PHC3: variants seen among roughly 807,000 people sequenced by gnomAD.
The protein encoded by PHC3 is polyhomeotic homolog 3.
PHC3 carries 13 observed loss-of-function variants against 107.4 expected under a neutral mutation model. The observed-to-expected ratio is 0.12, with a 90% CI of 0.08 to 0.19. The LOEUF (loss-of-function observed/expected upper bound fraction) is 0.19, where lower values mean the gene tolerates loss of function less well. Among genes scored for constraint, PHC3 ranks in the 10% least tolerant of loss-of-function variants. The probability of loss-of-function intolerance (pLI) is 1.00; values close to 1 mark genes in which losing one functional copy is unlikely to be tolerated. For missense variants in PHC3, 992 were observed against 1,210.9 expected (o/e 0.82, Z 2.68); for synonymous variants, 456 against 427.4 (o/e 1.07, Z -0.83).
At chr3:170,123,540 G>C (rs1421205550) in intron 8 of PHC3, among the ~76,000 whole-genome samples, 1 of 152,096 alleles carries the variant, frequency 6.6e-6, no homozygotes, top group Non-Finnish European at 1.5e-5. Context: ...CTGCAATCCA[G>C]CACTCTGGGA....
intron 6 of PHC3, among the ~76,000 whole-genome samples, chr3:170,140,701 C>A (rs924242972): frequency 1.4e-5 from 2 of 140,034 alleles, no homozygotes; most frequent in African/African-American, 5.3e-5. Context: ...GCAAGCGATT[C>A]TCCTGCCTCA....
chr3:170,174,524 G>A (rs997955754), intron 2 of PHC3, among the ~76,000 whole-genome samples: 49 of 152,142 alleles, frequency 3.2e-4, no homozygotes, highest in Admixed American at 1.3e-3. Flanking sequence ...GTCACATTGT[G>A]CTCACTGTGA....
At chr3:170,110,714 T>C (rs865814954) in intron 11 of PHC3, among the ~76,000 whole-genome samples, 2 of 152,192 alleles carry the variant, frequency 1.3e-5, no homozygotes, top group African/African-American at 4.8e-5. Context: ...AAATAATATA[T>C]ACATACATAA....
intron 8 of PHC3, among the ~76,000 whole-genome samples, chr3:170,123,792 C>CA (rs543453700): frequency 3.3e-5 from 5 of 149,714 alleles, no homozygotes; most frequent in East Asian, 2.0e-4. Flanking sequence ...GACTCCATCT[C>CA]AAAAAAAAGA....
Position 170,102,667 on chromosome 3 carries a change from T to G in PHC3, c.2645A>C (p.His882Pro), listed in dbSNP as rs765221373. 2.5e-6 allele frequency: 4 copies of G among 1,613,958 alleles called. No individual in the cohort carries two copies. Among genetic ancestry groups the G allele is most frequent in the Non-Finnish European group, 3.4e-6 (4 of 1,179,856 alleles). Residue 882 changes from histidine (H) to proline (P), a missense_variant, in exon 14 of 15, where the codon CAT (histidine) becomes CCT (proline). Physicochemically the swap from His to Pro is moderately conservative, Grantham distance 77. Coordinates refer to ENST00000495893, the MANE Select transcript of PHC3 (RefSeq NM_024947.4). Reference sequence around the variant, plus strand: ...CATAGCAGATGGCACAGAATCTTCATGAGAAGCCAAGTCTTCTTCTGCAGA... The same window carrying G: ...CATAGCAGATGGCACAGAATCTTCAGGAGAAGCCAAGTCTTCTTCTGCAGA... The part of the protein sequence containing the change: ...YPSAEEDLAS[H>P]EDSVPSAMTT...
At chr3:170,134,675 G>C (rs916841517) in intron 7 of PHC3, among the ~76,000 whole-genome samples, 4 of 152,056 alleles carry the variant, frequency 2.6e-5, no homozygotes, top group Admixed American at 2.0e-4. Flanking sequence ...CCTAACATAC[G>C]TAAGTACGTA....
At position 170,117,462 on chromosome 3, in the gene PHC3, G is replaced by A. The variant is rs1293554795; in HGVS notation, c.1957C>T (p.Pro653Ser). Residue 653 changes from proline (P) to serine (S), a missense_variant, in exon 10 of 15, where the codon CCT becomes TCT. Physicochemically the swap from Pro to Ser is moderately conservative, Grantham distance 74. Coordinates refer to ENST00000495893, the MANE Select transcript of PHC3 (RefSeq NM_024947.4). ...EHPLLEQVELPAVASVSASVI... is the reference protein window; with the variant it reads ...EHPLLEQVELSAVASVSASVI... ...GAAGCACTGACTGATGCCACAGCAG[G>A]TAATTCCACTTGCTCTGAAAAAAAA... The A allele has an allele frequency of 4.4e-6, 7 of 1,606,548 alleles. No individual in the cohort carries two copies. The highest frequency in any genetic ancestry group is 6.0e-6 in the Non-Finnish European group (7 of 1,176,436).
At chr3:170,118,846 T>C (rs1037211019) in intron 9 of PHC3, among the ~76,000 whole-genome samples, 2 of 151,744 alleles carry the variant, frequency 1.3e-5, no homozygotes, top group African/African-American at 4.8e-5. Flanking sequence ...GCCACCCAGC[T>C]GGTCTGGAAT....
rs754513558 is a variant in PHC3 at position 170,090,114 on chromosome 3, G to A, written c.*7116C>T. 3 of 151,860 alleles carry A rather than the reference G, an allele frequency of 2.0e-5. No individual in the cohort carries two copies. The highest frequency in any genetic ancestry group is 6.6e-5 in the Admixed American group (1 of 15,242). 9.4% of individuals were successfully genotyped at this position (151,860 alleles called of 1,614,324 possible). A position where few individuals can be genotyped will look rare whatever the true frequency, so the allele number is the denominator to read the frequency against. On this transcript the variant is annotated 3_prime_UTR_variant, in exon 15 of 15. Transcript: ENST00000495893. ...TCAACCTGTAAGTCCTTAATGTTAAGTCTCCTAAATTTTGTAACTTAATCA... is the reference window on the plus strand; with the variant it reads ...TCAACCTGTAAGTCCTTAATGTTAAATCTCCTAAATTTTGTAACTTAATCA...
At chr3:170,134,141 G>C (rs959001831) in intron 7 of PHC3, among the ~76,000 whole-genome samples, 1 of 150,968 alleles carries the variant, frequency 6.6e-6, no homozygotes, top group Non-Finnish European at 1.5e-5. Context: ...CTAGCACACA[G>C]AGGTTTAAAA....
chr3:170,120,403 T>C (rs959563755), intron 9 of PHC3, among the ~76,000 whole-genome samples: 6 of 151,968 alleles, frequency 3.9e-5, no homozygotes, highest in East Asian at 1.9e-4. Context: ...CTAGCCAACA[T>C]AGTGAAACCC....
At chr3:170,102,410 G>A in intron 14 of PHC3, 69 bp downstream of exon 14, 1 of 1,552,462 alleles carries the variant, frequency 6.4e-7, no homozygotes, top group Non-Finnish European at 8.7e-7. Flanking sequence ...AAAAGGTGTG[G>A]ATGTATCTAA....
chr3:170,122,084 C>G (rs1413106110), intron 9 of PHC3, among the ~76,000 whole-genome samples: 1 of 152,082 alleles, frequency 6.6e-6, no homozygotes, highest in East Asian at 1.9e-4. Flanking sequence ...GAGACCCTAT[C>G]TCTAAAAAAT....
intron 6 of PHC3, among the ~76,000 whole-genome samples, chr3:170,138,737 A>T (rs1431220907): frequency 6.6e-6 from 1 of 151,778 alleles, no homozygotes; most frequent in Non-Finnish European, 1.5e-5. Flanking sequence ...ATTAGAATCT[A>T]GATTTCTCAG....
rs758440000 is a variant in PHC3 at position 170,181,684 on chromosome 3, C to T, written c.14+18G>A. ...CGCCCCCCCTAGTTACGACATCAGTCACCATCTAGTCACTCACTCCGCTTC... is the reference window on the plus strand; with the variant it reads ...CGCCCCCCCTAGTTACGACATCAGTTACCATCTAGTCACTCACTCCGCTTC... On this transcript the variant is annotated intron_variant, in intron 1 of 14. Transcript: ENST00000495893. 5.3e-5 allele frequency: 86 copies of T among 1,613,320 alleles called. No individual in the cohort carries two copies. Among genetic ancestry groups the T allele is most frequent in the Non-Finnish European group, 7.1e-5 (84 of 1,179,816 alleles).
intron 4 of PHC3, among the ~76,000 whole-genome samples, chr3:170,156,684 G>A (rs1273193465): frequency 3.3e-5 from 5 of 151,740 alleles, no homozygotes; most frequent in Admixed American, 2.0e-4. Flanking sequence ...TGCAAACTCC[G>A]CCTCCTGGGT....
chr3:170,173,167 T>A (rs1157799899), intron 2 of PHC3, among the ~76,000 whole-genome samples: 1 of 148,680 alleles, frequency 6.7e-6, no homozygotes, highest in Non-Finnish European at 1.5e-5. Context: ...CACTCCAGCC[T>A]GGGCGACACA....
chr3:170,146,383 A>G (rs1374329382), intron 5 of PHC3, among the ~76,000 whole-genome samples: 1 of 151,686 alleles, frequency 6.6e-6, no homozygotes, highest in Non-Finnish European at 1.5e-5. Context: ...TCAAAAAAAA[A>G]AAAAGAAAAG....
chr3:170,173,764 G>T (rs572594945), intron 2 of PHC3, among the ~76,000 whole-genome samples: 1 of 152,246 alleles, frequency 6.6e-6, no homozygotes, highest in African/African-American at 2.4e-5. Flanking sequence ...TAAAATATTT[G>T]AAAGAATCCA....
Sources: allele counts gnomAD v4.1 joint callset (sites outside exome capture counted in the v4.1 genomes callset), GRCh38; gene constraint gnomAD v4.1.1; transcripts MANE v1.5; gene names NCBI Gene and HGNC (gene_info 2026-07-23, HGNC 2026-07-21).